MRAS: variants seen among roughly 807,000 people sequenced by gnomAD.
MRAS encodes the protein ras-related protein M-Ras.
MRAS carries 4 observed loss-of-function variants against 20.9 expected under a neutral mutation model. The observed-to-expected ratio is 0.19, with a 90% confidence interval of 0.09 to 0.44. The LOEUF (loss-of-function observed/expected upper bound fraction) is 0.44, where lower values mean the gene tolerates loss of function less well. MRAS is among the 20% of genes least tolerant of loss of function. The probability of loss-of-function intolerance (pLI) is 0.99; values close to 1 mark genes in which losing one functional copy is unlikely to be tolerated. For missense variants in MRAS, 154 were observed against 277.5 expected, an observed-to-expected ratio of 0.56 and a Z score of 3.16; for synonymous variants, 98 against 102.9, an observed-to-expected ratio of 0.95 and a Z score of 0.29.
intron 1 of MRAS, among the ~76,000 whole-genome samples, chr3:138,356,177 T>C (rs995619508): frequency 3.9e-5 from 6 of 152,286 alleles, no homozygotes; most frequent in Admixed American, 3.3e-4. Flanking sequence ...CAAGTTTGGG[T>C]TTAAAAAGAA....
intron 2 of MRAS, among the ~76,000 whole-genome samples, chr3:138,380,600 C>T (rs1294481739): frequency 5.9e-5 from 9 of 151,890 alleles, no homozygotes; most frequent in East Asian, 1.9e-4. Flanking sequence ...CGTGAGCCAC[C>T]GCGCCCGGCT....
chr3:138,384,356 C>CTGATGATGGGCCCA (rs1193081160), intron 2 of MRAS, among the ~76,000 whole-genome samples: 1 of 152,078 alleles, frequency 6.6e-6, no homozygotes, highest in East Asian at 1.9e-4. Flanking sequence ...TAAGAAGCTC[C>CTGATGATGGGCCCA]TGATGATGGG....
At chr3:138,371,215 G>A (rs1472411201) in intron 1 of MRAS, among the ~76,000 whole-genome samples, 5 of 152,120 alleles carry the variant, frequency 3.3e-5, no homozygotes, top group African/African-American at 9.7e-5. Context: ...GTACTTCTCC[G>A]ACACTTTGGG....
chr3:138,400,362 A>G lies in MRAS; in HGVS notation c.448-172A>G, dbSNP rs1341844449. On this transcript the variant is annotated intron_variant, in intron 4 of 5. Transcript: ENST00000423968. ...GAAAAGCCATTAGTAACACTTTCCA[A>G]CCTGAAAGAGTGAAAAGCCCTAAAT... 14 of 618,704 alleles carry G rather than the reference A, an allele frequency of 2.3e-5. No individual in the cohort carries two copies. In the South Asian group the frequency reaches 2.6e-4, roughly 11 times the overall value. The allele number at this position is 618,704 out of a possible 1,614,324, so 38.3% of individuals were successfully genotyped here. A position where few individuals can be genotyped will look rare whatever the true frequency, so the allele number is the denominator to read the frequency against.
intron 1 of MRAS, among the ~76,000 whole-genome samples, chr3:138,356,723 C>A (rs992413546): frequency 1.3e-5 from 2 of 152,222 alleles, no homozygotes; most frequent in Non-Finnish European, 2.9e-5. Context: ...AGCCTTCCCT[C>A]TCCACCCACA....
intron 1 of MRAS, among the ~76,000 whole-genome samples, chr3:138,356,536 C>T (rs2054337976): frequency 6.6e-6 from 1 of 152,120 alleles, no homozygotes; most frequent in South Asian, 2.1e-4. Context: ...AATGGAGGCT[C>T]AAGGAGGAGA....
In MRAS at chr3:138,399,201, G is replaced by A. The variant is rs1409095263; in HGVS notation, c.447+633G>A. On this transcript the variant is annotated intron_variant, in intron 4 of 5. Transcript: ENST00000423968. Reference sequence around the variant, plus strand: ...TGACCTTGAGCAAGTGCGTCATTCTGAGCTCAGTCTCCTGAGCTGCAGAAT... The same window carrying A: ...TGACCTTGAGCAAGTGCGTCATTCTAAGCTCAGTCTCCTGAGCTGCAGAAT... Among the ~76,000 whole-genome samples the A allele has an allele frequency of 2.0e-5, 3 of 152,216 alleles. No individual in the cohort carries two copies. In the East Asian group the frequency reaches 5.8e-4, roughly 29 times the overall value.
chr3:138,349,125 C>T (rs2054174883), intron 1 of MRAS: 1 of 151,174 alleles, frequency 6.6e-6, no homozygotes, highest in South Asian at 2.1e-4. Flanking sequence ...GGGTGGGGGA[C>T]TCTTTACCCC....
At chr3:138,398,853 A>T (rs1426944462) in intron 4 of MRAS, among the ~76,000 whole-genome samples, 1 of 152,200 alleles carries the variant, frequency 6.6e-6, no homozygotes, top group Admixed American at 6.5e-5. Flanking sequence ...GTGGGACCAC[A>T]GGTGGCAGTG....
In MRAS at chr3:138,373,954, G is replaced by T. The variant is rs553834111; in HGVS notation, c.193+878G>T. On this transcript the variant is annotated intron_variant, in intron 2 of 5. Transcript: ENST00000423968. Reference sequence around the variant, plus strand: ...GTCAGTTTTATTTGTAGGTTTTTTTGTTTGTTTGTTTGTTTTTGGGGGGAC... The same window carrying T: ...GTCAGTTTTATTTGTAGGTTTTTTTTTTTGTTTGTTTGTTTTTGGGGGGAC... 9.4e-4 allele frequency among the ~76,000 whole-genome samples: 141 copies of T among 150,568 alleles called. 1 individual carries two copies. The highest frequency in any genetic ancestry group is 1.5e-3 in the Non-Finnish European group (100 of 67,620).
At position 138,402,209 on chromosome 3, in the gene MRAS, A is replaced by C. The variant is rs1220639661; in HGVS notation, c.567A>C (p.Lys189Asn). The change falls in exon 6 of 6, where the codon AAA becomes AAC. Residue 189 changes from lysine (K) to asparagine (N), a missense_variant. Around this residue, in one of 3 missense-constraint regions of MRAS, gnomAD observed 125 missense variants for 213.5 expected, o/e 0.59. Transcript: ENST00000423968. Reference protein sequence around the residue: ...IPEKSQKKKKKTKWRGDRATG... With the variant: ...IPEKSQKKKKNTKWRGDRATG... ...AAAAAAGCCAGAAGAAGAAGAAGAA[A>C]ACCAAATGGCGGGGAGACCGGGCCA... 2.5e-6 allele frequency: 4 copies of C among 1,614,200 alleles called. No homozygotes were observed. The highest frequency in any genetic ancestry group is 3.4e-6 in the Non-Finnish European group (4 of 1,180,038).
intron 1 of MRAS, among the ~76,000 whole-genome samples, chr3:138,352,266 T>G (rs929866636): frequency 6.6e-6 from 1 of 152,198 alleles, no homozygotes; most frequent in Non-Finnish European, 1.5e-5. Flanking sequence ...TCCCGCTACC[T>G]GTGTGATGCA....
At chr3:138,400,994 C>G (rs1056269466) in intron 5 of MRAS, among the ~76,000 whole-genome samples, 4 of 152,218 alleles carry the variant, frequency 2.6e-5, no homozygotes, top group African/African-American at 9.7e-5. Context: ...GATATCAGAG[C>G]ACCCTTTGAT....
At chr3:138,369,339 G>T (rs1345810998) in intron 1 of MRAS, among the ~76,000 whole-genome samples, 8 of 152,192 alleles carry the variant, frequency 5.3e-5, no homozygotes, top group Non-Finnish European at 1.0e-4. Flanking sequence ...GGCTCAAAGC[G>T]CAGGTGGAGG....
intron 2 of MRAS, among the ~76,000 whole-genome samples, chr3:138,388,379 T>G (rs2055060624): frequency 6.6e-6 from 1 of 152,148 alleles, no homozygotes; most frequent in African/African-American, 2.4e-5. Context: ...CCATGACGGG[T>G]TTGTGAATTA....
chr3:138,370,440 C>G (rs561869876), intron 1 of MRAS, among the ~76,000 whole-genome samples: 1 of 152,164 alleles, frequency 6.6e-6, no homozygotes, highest in South Asian at 2.1e-4. Flanking sequence ...CTCTGAGAGG[C>G]AAAGGAGAGA....
At chr3:138,370,479 T>G (rs1456406185) in intron 1 of MRAS, among the ~76,000 whole-genome samples, 2 of 152,086 alleles carry the variant, frequency 1.3e-5, no homozygotes, top group East Asian at 3.9e-4. Flanking sequence ...CCCTCCCCAT[T>G]TCTGTCACCC....
chr3:138,358,061 A>G (rs574860916), intron 1 of MRAS, among the ~76,000 whole-genome samples: 1 of 152,308 alleles, frequency 6.6e-6, no homozygotes, highest in South Asian at 2.1e-4. Flanking sequence ...GGGTCTGGGC[A>G]TGGTGGCTCA....
At chr3:138,393,350 C>T (rs1400800673) in intron 2 of MRAS, among the ~76,000 whole-genome samples, 3 of 152,174 alleles carry the variant, frequency 2.0e-5, no homozygotes, top group African/African-American at 7.2e-5. Flanking sequence ...TAGGCTTGAA[C>T]TTACTGCACT....
Sources: gnomAD v4.1 joint callset for allele counts (sites outside exome capture counted in the v4.1 genomes callset) on GRCh38, gnomAD v4.1.1 for gene constraint, gnomAD v4.1.1 regional missense constraint, MANE v1.5 for transcripts, NCBI Gene and HGNC (gene_info 2026-07-23, HGNC 2026-07-21) for gene names.